Variants in FTO observed in about 807,000 individuals in gnomAD.
The protein encoded by FTO is FTO alpha-ketoglutarate dependent dioxygenase.
A neutral mutation model predicts 63.9 loss-of-function variants in FTO; 47 were observed. The observed-to-expected ratio is 0.74, with a 90% confidence interval of 0.58 to 0.94. The LOEUF is 0.94. FTO is among the 40% of genes least tolerant of loss of function. The pLI, the probability that FTO is intolerant of heterozygous loss-of-function variation, is 0.00. For missense variants in FTO, 562 were observed against 618.1 expected, an observed-to-expected ratio of 0.91 and a Z score of 0.96; for synonymous variants, 207 against 224.4, an observed-to-expected ratio of 0.92 and a Z score of 0.69.
chr16:53,966,942 A>G (rs758349211), intron 8 of FTO, among the ~76,000 whole-genome samples: 6 of 152,076 alleles, frequency 3.9e-5, no homozygotes, highest in Non-Finnish European at 4.4e-5. Flanking sequence ...TAATGGCCTG[A>G]TCCGTGTGGA....
chr16:54,010,203 CAGG>C (rs1163130439), intron 8 of FTO, among the ~76,000 whole-genome samples: 1 of 152,050 alleles, frequency 6.6e-6, no homozygotes, highest in East Asian at 1.9e-4. Context: ...CACTGGAGGC[CAGG>C]AGTTCAAGAC....
chr16:53,711,390 G>A (rs773355093), intron 1 of FTO: 39 of 398,412 alleles, frequency 9.8e-5, no homozygotes, highest in Non-Finnish European at 1.5e-4. Context: ...GTCGAGTAGT[G>A]TACTCAGCAC....
intron 8 of FTO, among the ~76,000 whole-genome samples, chr16:54,101,941 A>T (rs1426601274): frequency 6.6e-6 from 1 of 152,118 alleles, no homozygotes; most frequent in Non-Finnish European, 1.5e-5. Context: ...TTCATATGCT[A>T]GTTGGCTGCA....
At chr16:54,109,710 T>G (rs1331105703) in intron 8 of FTO, among the ~76,000 whole-genome samples, 1 of 152,200 alleles carries the variant, frequency 6.6e-6, no homozygotes, top group Non-Finnish European at 1.5e-5. Context: ...CCATTGGGAT[T>G]GGGAAGCTTG....
chr16:54,010,590 C>T (rs1287504716), intron 8 of FTO, among the ~76,000 whole-genome samples: 1 of 152,100 alleles, frequency 6.6e-6, no homozygotes, highest in Non-Finnish European at 1.5e-5. Flanking sequence ...AAAATCAGTC[C>T]TATTGACATC....
At chr16:53,763,092 T>A (rs1169598765) in intron 1 of FTO, among the ~76,000 whole-genome samples, 1 of 152,190 alleles carries the variant, frequency 6.6e-6, no homozygotes, top group Non-Finnish European at 1.5e-5. Flanking sequence ...AAAATTAACA[T>A]AAAGGAAGAA....
At chr16:53,829,521 T>A (rs1241797553) in intron 3 of FTO, among the ~76,000 whole-genome samples, 1 of 152,246 alleles carries the variant, frequency 6.6e-6, no homozygotes, top group Non-Finnish European at 1.5e-5. Context: ...AGTTTTCTGG[T>A]CTTATAATCC....
chr16:53,982,374 A>C (rs1185041771), intron 8 of FTO, among the ~76,000 whole-genome samples: 1 of 152,180 alleles, frequency 6.6e-6, no homozygotes, highest in East Asian at 1.9e-4. Flanking sequence ...GGTGTAAGTT[A>C]AATATGAAGT....
At chr16:53,853,148 C>T (rs1231437655) in intron 4 of FTO, among the ~76,000 whole-genome samples, 1 of 152,086 alleles carries the variant, frequency 6.6e-6, no homozygotes, top group Non-Finnish European at 1.5e-5. Flanking sequence ...CAAAAATTAG[C>T]CAGGTGTCGT....
intron 1 of FTO, among the ~76,000 whole-genome samples, chr16:53,777,111 A>G (rs972487458): frequency 1.3e-5 from 2 of 152,154 alleles, no homozygotes; most frequent in African/African-American, 4.8e-5. Context: ...TTTGAAATAT[A>G]CATTACTGTT....
Position 53,719,190 on chromosome 16 carries a change from A to G in FTO, c.45+14961A>G, listed in dbSNP as rs562561645. 9.2e-5 allele frequency among the ~76,000 whole-genome samples: 14 copies of G among 151,960 alleles called. No homozygotes were observed. The East Asian group carries it at 1.6e-3, about 17-fold the overall frequency. On this transcript the variant is annotated intron_variant, in intron 1 of 8. Coordinates refer to ENST00000471389, the MANE Select transcript of FTO (RefSeq NM_001080432.3). ...TCTTCTTGGGAACCATTTACAAAGC[A>G]TTAGGATTATTTGCCTGTTGGAAGT...
Position 53,911,342 on chromosome 16 carries a change from C to T in FTO, c.1239+22391C>T, listed in dbSNP as rs11861220. 3,671 of 701,780 alleles carry T rather than the reference C, an allele frequency of 5.2e-3. 70 individuals are homozygous for T. In the African/African-American group the frequency reaches 0.055, roughly 10 times the overall value. The allele number at this position is 701,780 out of a possible 1,614,324, so 43.5% of individuals were successfully genotyped here. On this transcript the variant is annotated intron_variant, in intron 7 of 8. Coordinates refer to ENST00000471389, the MANE Select transcript of FTO (RefSeq NM_001080432.3). ...TCAGTGGAACAGCCAGAGATAGCAGCGAGAGAGGTGAGAAGAGGACCAGGA... is the reference window on the plus strand; with the variant it reads ...TCAGTGGAACAGCCAGAGATAGCAGTGAGAGAGGTGAGAAGAGGACCAGGA...
At chr16:53,784,149 A>G (rs2077669913) in intron 1 of FTO, among the ~76,000 whole-genome samples, 1 of 152,220 alleles carries the variant, frequency 6.6e-6, no homozygotes, top group African/African-American at 2.4e-5. Context: ...GATATTCTAT[A>G]TTCATAGCAT....
At chr16:53,815,681 C>G (rs997340388) in intron 2 of FTO, among the ~76,000 whole-genome samples, 1 of 130,834 alleles carries the variant, frequency 7.6e-6, no homozygotes, top group Non-Finnish European at 1.5e-5. Flanking sequence ...CAGAGTCCCG[C>G]TCTGTCACCC....
chr16:54,035,032 G>T (rs1166315312), intron 8 of FTO, among the ~76,000 whole-genome samples: 1 of 152,186 alleles, frequency 6.6e-6, no homozygotes, highest in Non-Finnish European at 1.5e-5. Flanking sequence ...TAACTGTTCA[G>T]TTTAGAAAAT....
intron 8 of FTO, chr16:53,937,180 C>T: frequency 2.5e-6 from 1 of 398,536 alleles, no homozygotes; most frequent in Non-Finnish European, 4.4e-6. Context: ...TTTCCTTCTC[C>T]AAGCTTCGTA....
intron 8 of FTO, among the ~76,000 whole-genome samples, chr16:54,009,019 A>T (rs544411723): frequency 2.7e-5 from 4 of 149,766 alleles, no homozygotes; most frequent in African/African-American, 9.9e-5. Context: ...CCCCCCCCCA[A>T]AAAAAAAGTC....
chr16:53,823,313 G>C (rs751013546), intron 2 of FTO, among the ~76,000 whole-genome samples: 1 of 152,146 alleles, frequency 6.6e-6, no homozygotes, highest in Non-Finnish European at 1.5e-5. Context: ...GTTCTCCTTT[G>C]TTGAGGCTTC....
At chr16:53,914,046 T>G (rs918925330) in intron 7 of FTO, among the ~76,000 whole-genome samples, 2 of 151,906 alleles carry the variant, frequency 1.3e-5, no homozygotes, top group African/African-American at 4.8e-5. Context: ...CTTCTCGCAT[T>G]GTCCTGCCCC....
Sources: gnomAD v4.1 joint callset for allele counts (sites outside exome capture counted in the v4.1 genomes callset) on GRCh38, gnomAD v4.1.1 for gene constraint, MANE v1.5 for transcripts, NCBI Gene and HGNC (gene_info 2026-07-23, HGNC 2026-07-21) for gene names.